The following CDH4 variants were observed in gnomAD, a reference collection of about 807,000 sequenced individuals.
CDH4 encodes the protein cadherin 4, also known as cadherin-4.
Under a neutral mutation model 86.0 loss-of-function variants are expected in CDH4, and 33 were observed. That is an observed-to-expected ratio of 0.38 (90% CI 0.29 to 0.51). The LOEUF is 0.51. Among genes scored for constraint, CDH4 ranks in the 20% least tolerant of loss-of-function variants. The pLI is 0.86. For synonymous variants in CDH4, 555 were observed against 549.4 expected, an observed-to-expected ratio of 1.01 and a Z score of -0.14; for missense variants, 1,114 against 1,307.4, an observed-to-expected ratio of 0.85 and a Z score of 2.28.
intron 2 of CDH4, among the ~76,000 whole-genome samples, chr20:61,474,857 T>C (rs1259233135): frequency 6.6e-6 from 1 of 152,200 alleles, no homozygotes; most frequent in African/African-American, 2.4e-5. Flanking sequence ...GGATGAGATT[T>C]TATAGCATTA....
intron 2 of CDH4, among the ~76,000 whole-genome samples, chr20:61,650,171 G>C (rs1020541070): frequency 6.6e-6 from 1 of 152,164 alleles, no homozygotes; most frequent in African/African-American, 2.4e-5. Context: ...TCATGTGACT[G>C]CTTTGCTCCA....
intron 2 of CDH4, among the ~76,000 whole-genome samples, chr20:61,660,223 C>A (rs993653167): frequency 1.3e-5 from 2 of 152,348 alleles, no homozygotes; most frequent in Middle Eastern, 6.8e-3. Context: ...CGCCCCTCCC[C>A]GTCTTTCCTT....
intron 2 of CDH4, among the ~76,000 whole-genome samples, chr20:61,270,462 T>C (rs2084177814): frequency 6.6e-6 from 1 of 152,252 alleles, no homozygotes; most frequent in South Asian, 2.1e-4. Context: ...TATAAAATTG[T>C]GATCAAGAGT....
intron 2 of CDH4, among the ~76,000 whole-genome samples, chr20:61,707,350 G>A (rs191477689): frequency 2.4e-4 from 36 of 152,368 alleles, no homozygotes; most frequent in South Asian, 6.2e-4. Context: ...TGTGCTTTGC[G>A]CGGCTTGGAC....
rs537613517 is a variant in CDH4 at position 61,359,890 on chromosome 20, G to A, written c.169+104953G>A. 6.6e-5 allele frequency among the ~76,000 whole-genome samples: 10 copies of A among 152,280 alleles called. No homozygotes were observed. In the South Asian group the frequency reaches 2.1e-3, roughly 32 times the overall value. On this transcript the variant is annotated intron_variant, in intron 2 of 15. Coordinates refer to ENST00000614565, the MANE Select transcript of CDH4 (RefSeq NM_001794.5). Reference sequence around the variant, plus strand: ...ATCAGCCATAATAAACTCAGATAAGGCAACAGATGAAACAAATCTTCCTGG... The same window carrying A: ...ATCAGCCATAATAAACTCAGATAAGACAACAGATGAAACAAATCTTCCTGG...
chr20:61,756,657 C>T (rs2145962937), intron 3 of CDH4, among the ~76,000 whole-genome samples: 2 of 152,038 alleles, frequency 1.3e-5, no homozygotes, highest in South Asian at 2.1e-4. Context: ...GAGCGGAGGC[C>T]TTGTAAGTGA....
chr20:61,274,410 T>C (rs1290272034), intron 2 of CDH4, among the ~76,000 whole-genome samples: 11 of 108,030 alleles, frequency 1.0e-4, no homozygotes, highest in Non-Finnish European at 2.0e-4. Flanking sequence ...TGTGTGCAGT[T>C]TGGGGGAGTA....
intron 3 of CDH4, among the ~76,000 whole-genome samples, chr20:61,771,567 T>C (rs1435544265): frequency 7.0e-6 from 1 of 142,278 alleles, no homozygotes; most frequent in Non-Finnish European, 1.5e-5. Flanking sequence ...GAGGTTGCAG[T>C]GAGCCAAGAT....
intron 2 of CDH4, among the ~76,000 whole-genome samples, chr20:61,324,339 G>C (rs80212015): frequency 0.023 from 3,559 of 152,242 alleles, 107 homozygotes; most frequent in African/African-American, 0.057. Flanking sequence ...AAACTGGGGG[G>C]GCTTAAAACA....
intron 2 of CDH4, among the ~76,000 whole-genome samples, chr20:61,404,923 G>T (rs565247311): frequency 7.9e-5 from 12 of 152,240 alleles, no homozygotes; most frequent in African/African-American, 2.6e-4. Flanking sequence ...GGTGGCACGT[G>T]CCTGTAGTCC....
At chr20:61,648,232 A>T (rs966773115) in intron 2 of CDH4, among the ~76,000 whole-genome samples, 4 of 152,234 alleles carry the variant, frequency 2.6e-5, no homozygotes, top group Non-Finnish European at 4.4e-5. Context: ...TTCTGATGGA[A>T]TGTGGGAATA....
At chr20:61,917,919 C>T (rs1016249178) in intron 9 of CDH4, among the ~76,000 whole-genome samples, 16 of 152,268 alleles carry the variant, frequency 1.1e-4, no homozygotes, top group African/African-American at 9.6e-5. Context: ...GATTTTTTAA[C>T]GCATGACATG....
In CDH4 at chr20:61,663,643, A is replaced by G. The variant is rs1019034955; in HGVS notation, c.170-79920A>G. ...GTCCAAGAGACCATCTTGGCTGCCC[A>G]GGGGAAGCGGGGACTCGAGGAGAGC... On this transcript the variant is annotated intron_variant, in intron 2 of 15. Transcript: ENST00000614565. This position sits in a 1 kb window ranked among gnomAD's most constrained non-coding sequence, Gnocchi z 5.0. 4.6e-5 allele frequency among the ~76,000 whole-genome samples: 7 copies of G among 152,084 alleles called. No individual in the cohort carries two copies. Among genetic ancestry groups the G allele is most frequent in the Admixed American group, 2.0e-4 (3 of 15,270 alleles).
chr20:61,550,710 T>G (rs1288741070), intron 2 of CDH4, among the ~76,000 whole-genome samples: 1 of 152,206 alleles, frequency 6.6e-6, no homozygotes, highest in Non-Finnish European at 1.5e-5. Flanking sequence ...CTCCTCTTCT[T>G]TGGGCTCCTT....
intron 2 of CDH4, among the ~76,000 whole-genome samples, chr20:61,671,663 A>G (rs201985998): frequency 1.7e-5 from 2 of 116,460 alleles, no homozygotes; most frequent in East Asian, 4.6e-4. Context: ...ATGGATGGAT[A>G]ATGGATGGAT....
intron 4 of CDH4, among the ~76,000 whole-genome samples, chr20:61,790,397 C>T (rs145149310): frequency 2.9e-4 from 44 of 151,424 alleles, no homozygotes; most frequent in African/African-American, 1.0e-3. Context: ...TCTCTCTACC[C>T]ATCCCCTCAT....
Position 61,715,062 on chromosome 20 carries a change from G to A in CDH4, c.170-28501G>A, listed in dbSNP as rs374734775. On this transcript the variant is annotated intron_variant, in intron 2 of 15. Transcript: ENST00000614565. ...GAGCATTTGCTTTCACCACATCCAC[G>A]CCAACATCTATTGTTTTTTGACGTT... is the stretch of plus-strand genomic sequence containing the variant. Among the ~76,000 whole-genome samples the A allele has an allele frequency of 3.4e-4, 52 of 152,158 alleles. 1 individual carries two copies. The South Asian group carries it at 1.0e-2, about 29-fold the overall frequency.
At chr20:61,300,705 G>A (rs2084381570) in intron 2 of CDH4, among the ~76,000 whole-genome samples, 1 of 152,200 alleles carries the variant, frequency 6.6e-6, no homozygotes, top group Non-Finnish European at 1.5e-5. Flanking sequence ...GCTGCCCTCT[G>A]GGTGGGATGT....
At chr20:61,319,953 TA>T (rs5842349) in intron 2 of CDH4, among the ~76,000 whole-genome samples, 64,536 of 145,210 alleles carry the variant, frequency 0.44, 14,129 homozygotes, top group East Asian at 0.53. Context: ...AGACTCCATC[TA>T]AAAAAAAAAA....
Sources: gnomAD v4.1 joint callset for allele counts (sites outside exome capture counted in the v4.1 genomes callset) on GRCh38, gnomAD v4.1.1 for gene constraint, Gnocchi (gnomAD v3.1) non-coding constraint, MANE v1.5 for transcripts, NCBI Gene and HGNC (gene_info 2026-07-23, HGNC 2026-07-21) for gene names.